TMEM232: variants seen among roughly 807,000 people sequenced by gnomAD.
TMEM232 encodes transmembrane protein 232.
In TMEM232, 80 loss-of-function variants were observed where a neutral mutation model predicts 78.8. That is an observed-to-expected ratio of 1.01 (90% CI 0.85 to 1.22). TMEM232 has a LOEUF of 1.22. Among genes scored for constraint, TMEM232 ranks in the 50% most tolerant of loss-of-function variants. The probability of loss-of-function intolerance (pLI) is 0.00; values close to 1 mark genes in which losing one functional copy is unlikely to be tolerated. For synonymous variants in TMEM232, 297 were observed against 254.3 expected (o/e 1.17, Z -1.60); for missense variants, 881 against 742.2 (o/e 1.19, Z -2.17).
intron 1 of TMEM232, among the ~76,000 whole-genome samples, chr5:110,724,435 T>G (rs979245842): frequency 6.6e-6 from 1 of 152,228 alleles, no homozygotes; most frequent in Non-Finnish European, 1.5e-5. Flanking sequence ...CTTAACCTGT[T>G]ATTTTCTCAT....
chr5:110,539,624 A>G (rs1168172826), intron 11 of TMEM232, among the ~76,000 whole-genome samples: 2 of 152,194 alleles, frequency 1.3e-5, no homozygotes, highest in Admixed American at 1.3e-4. Flanking sequence ...TTTTTGGGAC[A>G]GGCCCCCTTT....
intron 12 of TMEM232, among the ~76,000 whole-genome samples, chr5:110,511,923 C>A (rs1315872960): frequency 6.6e-6 from 1 of 152,140 alleles, no homozygotes; most frequent in African/African-American, 2.4e-5. Context: ...TCCTTAAATG[C>A]TCCATGGTCC....
Position 110,640,872 on chromosome 5 carries a change from A to T in TMEM232, c.343+19T>A. On this transcript the variant is annotated intron_variant, in intron 4 of 13. Coordinates refer to ENST00000455884, the MANE Select transcript of TMEM232 (RefSeq NM_001039763.4). ...ATAGAAAATACTTAGGATGCCTAATAAGAATTTAAAGTACGTACCATCTTG... is the reference window on the plus strand; with the variant it reads ...ATAGAAAATACTTAGGATGCCTAATTAGAATTTAAAGTACGTACCATCTTG... 1 of 1,465,718 alleles carries T rather than the reference A, an allele frequency of 6.8e-7. No individual in the cohort carries two copies. The highest frequency in any genetic ancestry group is 9.1e-7 in the Non-Finnish European group (1 of 1,099,494). 90.8% of individuals were successfully genotyped at this position (1,465,718 alleles called of 1,614,324 possible).
At chr5:110,615,093 CTCTAA>C (rs1186358365) in intron 8 of TMEM232, among the ~76,000 whole-genome samples, 1 of 151,936 alleles carries the variant, frequency 6.6e-6, no homozygotes, top group Non-Finnish European at 1.5e-5. Flanking sequence ...TATTGATGAA[CTCTAA>C]TCTAAAGTGT....
chr5:110,488,939 C>G (rs1764743587), intron 12 of TMEM232, among the ~76,000 whole-genome samples: 1 of 151,770 alleles, frequency 6.6e-6, no homozygotes, highest in Admixed American at 6.6e-5. Context: ...CATATGGCAA[C>G]AAAACACATA....
intron 2 of TMEM232, among the ~76,000 whole-genome samples, chr5:110,657,669 G>A (rs146394811): frequency 2.6e-5 from 4 of 152,136 alleles, no homozygotes; most frequent in African/African-American, 7.2e-5. Context: ...ATTTGTTTTC[G>A]TGTTCTATTA....
intron 12 of TMEM232, among the ~76,000 whole-genome samples, chr5:110,516,748 C>A (rs1768723551): frequency 6.6e-6 from 1 of 152,056 alleles, no homozygotes; most frequent in South Asian, 2.1e-4. Context: ...GTCAAACCTG[C>A]AAGCCATTCA....
chr5:110,475,390 A>G (rs1763134024), intron 12 of TMEM232, among the ~76,000 whole-genome samples: 2 of 150,752 alleles, frequency 1.3e-5, no homozygotes, highest in African/African-American at 2.4e-5. Context: ...GTACTTTTAA[A>G]TATGAATGAT....
Position 110,438,270 on chromosome 5 carries a change from C to A in TMEM232, c.1704-13354G>T, listed in dbSNP as rs141795472. ...ATACCAACTGGGTTTGACACTACAT[C>A]ATATTCCTCTGCCTTCCTTCAGCTT... On this transcript the variant is annotated intron_variant, in intron 12 of 13. Coordinates refer to ENST00000455884, the MANE Select transcript of TMEM232 (RefSeq NM_001039763.4). Among the ~76,000 whole-genome samples, 5 of 151,760 alleles carry A rather than the reference C, an allele frequency of 3.3e-5. No homozygotes were observed. The East Asian group carries it at 7.9e-4, about 24-fold the overall frequency.
At chr5:110,395,998 G>A (rs1755373005) in intron 3 of TMEM232, among the ~76,000 whole-genome samples, 1 of 152,242 alleles carries the variant, frequency 6.6e-6, no homozygotes, top group Non-Finnish European at 1.5e-5. Context: ...CTGTGTATTA[G>A]TCCATTTTCA....
chr5:110,610,609 G>C (rs947520569), intron 8 of TMEM232: 6 of 445,690 alleles, frequency 1.3e-5, no homozygotes, highest in Non-Finnish European at 2.7e-5. Flanking sequence ...TCCTAACATG[G>C]ACAAGAAAGG....
At chr5:110,482,940 A>T (rs914737290) in intron 12 of TMEM232, among the ~76,000 whole-genome samples, 1 of 150,544 alleles carries the variant, frequency 6.6e-6, no homozygotes, top group African/African-American at 2.5e-5. Flanking sequence ...ACAAGAGTCC[A>T]GGATGAAAAT....
intron 12 of TMEM232, among the ~76,000 whole-genome samples, chr5:110,441,228 C>T (rs888398427): frequency 6.6e-6 from 1 of 152,052 alleles, no homozygotes; most frequent in Non-Finnish European, 1.5e-5. Context: ...CTGGCCTCTG[C>T]CCACTAGATG....
chr5:110,486,533 G>A (rs1192490261), intron 12 of TMEM232, among the ~76,000 whole-genome samples: 1 of 152,022 alleles, frequency 6.6e-6, no homozygotes, highest in Non-Finnish European at 1.5e-5. Context: ...TCTCCTACAT[G>A]TGGCTAAGCA....
chr5:110,436,115 A>G (rs910029210), intron 12 of TMEM232, among the ~76,000 whole-genome samples: 2 of 151,764 alleles, frequency 1.3e-5, no homozygotes, highest in Non-Finnish European at 2.9e-5. Context: ...CCTCTCTAGC[A>G]TTTGTTATTG....
At chr5:110,672,446 A>G (rs1323429348) in intron 1 of TMEM232, among the ~76,000 whole-genome samples, 1 of 152,204 alleles carries the variant, frequency 6.6e-6, no homozygotes, top group Non-Finnish European at 1.5e-5. Context: ...GTAAACCATT[A>G]TTTGAGTAGA....
chr5:110,581,635 A>C (rs1778219063), intron 10 of TMEM232, among the ~76,000 whole-genome samples: 1 of 151,986 alleles, frequency 6.6e-6, no homozygotes, highest in Non-Finnish European at 1.5e-5. Flanking sequence ...AGACACCAAT[A>C]GCAATTAAAA....
intron 11 of TMEM232, among the ~76,000 whole-genome samples, chr5:110,539,764 T>G (rs1486830008): frequency 2.6e-5 from 4 of 152,144 alleles, no homozygotes; most frequent in East Asian, 3.9e-4. Context: ...CTACAAAAAC[T>G]TTTAATTTCC....
intron 5 of TMEM232, among the ~76,000 whole-genome samples, chr5:110,633,544 C>G (rs1452686997): frequency 6.6e-6 from 1 of 152,050 alleles, no homozygotes. Context: ...GGTGGTTTCC[C>G]CATGCTCTTC....
Sources: gnomAD v4.1 joint callset for allele counts (sites outside exome capture counted in the v4.1 genomes callset) on GRCh38, gnomAD v4.1.1 for gene constraint, MANE v1.5 for transcripts, NCBI Gene and HGNC (gene_info 2026-07-23, HGNC 2026-07-21) for gene names.